Variants in CEP350 observed in about 807,000 individuals in gnomAD.
The protein encoded by CEP350 is centrosomal protein 350, also known as centrosome-associated protein 350.
In CEP350, 126 loss-of-function variants were observed where a neutral mutation model predicts 331.8. That is an observed-to-expected ratio of 0.38 (90% CI 0.33 to 0.44). The LOEUF is 0.44. CEP350 is among the 20% of genes least tolerant of loss of function. The probability of loss-of-function intolerance (pLI) is 1.00; values close to 1 mark genes in which losing one functional copy is unlikely to be tolerated. For synonymous variants in CEP350, 1,200 were observed against 1,259.5 expected (o/e 0.95, Z 1.00); for missense variants, 3,406 against 3,634.6 (o/e 0.94, Z 1.62).
In CEP350 at chr1:180,112,612, C is replaced by G. The variant is rs939358076; in HGVS notation, c.*1451C>G. ...CTAGAAGAATGTGGATACTCTTAGGCGTGAATGTAAATGCCTTAATATTGA... is the reference window on the plus strand; with the variant it reads ...CTAGAAGAATGTGGATACTCTTAGGGGTGAATGTAAATGCCTTAATATTGA... On this transcript the variant is annotated 3_prime_UTR_variant, in exon 38 of 38. Coordinates refer to ENST00000367607, the MANE Select transcript of CEP350 (RefSeq NM_014810.5). The G allele has an allele frequency of 6.6e-6, 1 of 152,588 alleles. No individual in the cohort carries two copies. The highest frequency in any genetic ancestry group is 1.5e-5 in the Non-Finnish European group (1 of 68,040). The allele number at this position is 152,588 out of a possible 1,614,324, so 9.5% of individuals were successfully genotyped here.
chr1:180,091,033 C>G (rs1448207625), intron 33 of CEP350, among the ~76,000 whole-genome samples: 4 of 150,650 alleles, frequency 2.7e-5, no homozygotes, highest in Admixed American at 2.0e-4. Flanking sequence ...GAGACAGGGT[C>G]TCACTCTGTC....
intron 1 of CEP350, among the ~76,000 whole-genome samples, chr1:179,983,954 A>AT (rs1372948262): frequency 3.3e-5 from 5 of 152,270 alleles, no homozygotes; most frequent in Admixed American, 6.5e-5. Context: ...TAAAGCATAG[A>AT]TTTTTTTCCT....
intron 25 of CEP350, among the ~76,000 whole-genome samples, chr1:180,060,200 C>A (rs1658106560): frequency 6.6e-6 from 1 of 152,220 alleles, no homozygotes; most frequent in Non-Finnish European, 1.5e-5. Context: ...AGTCCCCTAA[C>A]AGGGTCTCAA....
At chr1:179,988,601 T>C (rs1158094064) in intron 3 of CEP350, among the ~76,000 whole-genome samples, 1 of 152,178 alleles carries the variant, frequency 6.6e-6, no homozygotes, top group Non-Finnish European at 1.5e-5. Flanking sequence ...ATTTGTGTTC[T>C]GGCCAATCTT....
rs1558098621 is a variant in CEP350 at position 180,012,057 on chromosome 1, G to A, written c.1375G>A (p.Glu459Lys). 1.3e-6 allele frequency: 2 copies of A among 1,560,996 alleles called. No homozygotes were observed. Among genetic ancestry groups the A allele is most frequent in the Non-Finnish European group, 1.7e-6 (2 of 1,153,422 alleles). The change falls in exon 9 of 38, where the codon GAA becomes AAA. Residue 459 changes from glutamate to lysine, a missense_variant. Physicochemically the swap from Glu to Lys is moderately conservative, Grantham distance 56. Coordinates refer to ENST00000367607, the MANE Select transcript of CEP350 (RefSeq NM_014810.5). ...RTASSDRGGRERTAKSGGHIG... is the reference protein window; with the variant it reads ...RTASSDRGGRKRTAKSGGHIG... ...AGCATCAAGTGACAGAGGTGGAAGAGAAAGAACTGCTAAATCTGGTAAGTA... is the reference window on the plus strand; with the variant it reads ...AGCATCAAGTGACAGAGGTGGAAGAAAAAGAACTGCTAAATCTGGTAAGTA...
intron 19 of CEP350, among the ~76,000 whole-genome samples, chr1:180,042,085 A>G (rs1198018554): frequency 6.6e-6 from 1 of 151,944 alleles, no homozygotes; most frequent in African/African-American, 2.4e-5. Context: ...TAATTTATAA[A>G]CAATAAAATG....
In CEP350 at chr1:180,041,655, T is replaced by C. The variant is rs1349876338; in HGVS notation, c.4222-7T>C. The C allele has an allele frequency of 1.9e-6, 3 of 1,607,484 alleles. No homozygotes were observed. Among genetic ancestry groups the C allele is most frequent in the Admixed American group, 3.4e-5 (2 of 58,838 alleles). On this transcript the variant is annotated splice_region_variant and splice_polypyrimidine_tract_variant and intron_variant, in intron 18 of 37. Coordinates refer to ENST00000367607, the MANE Select transcript of CEP350 (RefSeq NM_014810.5). ...TAACTTCTTTTTTAAACCCCTTTTA[T>C]TTAAAGGTCCATGCAGAATCATTAC... is the stretch of plus-strand genomic sequence containing the variant.
chr1:180,081,164 G>A (rs1558146956), intron 30 of CEP350, among the ~76,000 whole-genome samples: 1 of 152,176 alleles, frequency 6.6e-6, no homozygotes, highest in East Asian at 1.9e-4. Flanking sequence ...CACTGCACCC[G>A]GCCCACTGTA....
In CEP350 at chr1:180,064,935, A is replaced by G. The variant is rs151105375; in HGVS notation, c.5410-180A>G. 3.3e-4 allele frequency among the ~76,000 whole-genome samples: 51 copies of G among 152,296 alleles called. No individual in the cohort carries two copies. The East Asian group carries it at 3.7e-3, about 11-fold the overall frequency. Reference sequence around the variant, plus strand: ...AAATGGTGGTAAAAATATACATAATATGAAATGTACTAGTTTAACCATTTT... The same window carrying G: ...AAATGGTGGTAAAAATATACATAATGTGAAATGTACTAGTTTAACCATTTT... On this transcript the variant is annotated intron_variant, in intron 26 of 37. Coordinates refer to ENST00000367607, the MANE Select transcript of CEP350 (RefSeq NM_014810.5).
intron 27 of CEP350, among the ~76,000 whole-genome samples, chr1:180,070,604 A>G (rs1458727767): frequency 6.6e-6 from 1 of 152,220 alleles, no homozygotes; most frequent in East Asian, 1.9e-4. Flanking sequence ...ACACACACAC[A>G]GCAGAATGGC....
At chr1:180,038,306 T>C (rs1237430522) in intron 17 of CEP350, among the ~76,000 whole-genome samples, 15 of 152,366 alleles carry the variant, frequency 9.8e-5, no homozygotes, top group African/African-American at 3.6e-4. Context: ...GATGTACATT[T>C]AGATTATTTC....
Position 180,020,953 on chromosome 1 carries a change from G to A in CEP350, c.3179G>A (p.Gly1060Glu). 1 of 1,597,672 alleles carries A rather than the reference G, an allele frequency of 6.3e-7. No homozygotes were observed. The highest frequency in any genetic ancestry group is 8.5e-7 in the Non-Finnish European group (1 of 1,175,678). Residue 1060 changes from glycine to glutamate, a missense_variant, in exon 12 of 38, where the codon GGA becomes GAA. By Grantham distance (98) the Gly-to-Glu change is moderately conservative (BLOSUM62 -2). Around this residue, in one of 5 missense-constraint regions of CEP350, gnomAD observed 1,857 missense variants for 1,909.2 expected, o/e 0.97. Coordinates refer to ENST00000367607, the MANE Select transcript of CEP350 (RefSeq NM_014810.5). ...GGACCATGGGAAGAATTGGCAAAGG[G>A]AAGTCCACATAGCGTCATTAATATT... ...SKGPWEELAK[G>E]SPHSVINIFT...
intron 12 of CEP350, among the ~76,000 whole-genome samples, chr1:180,021,918 T>C (rs1482060521): frequency 6.6e-6 from 1 of 152,200 alleles, no homozygotes; most frequent in Non-Finnish European, 1.5e-5. Flanking sequence ...TTCTTTTCTA[T>C]GATAGACTCA....
At chr1:180,099,033 ACT>A in intron 37 of CEP350, 48 bp downstream of exon 37, 2 of 1,568,492 alleles carry the variant, frequency 1.3e-6, no homozygotes, top group Non-Finnish European at 1.7e-6. Context: ...TATCTTTTAA[ACT>A]CAGAATGCAG....
At chr1:180,087,353 C>T (rs920767328) in intron 31 of CEP350, 8 of 306,458 alleles carry the variant, frequency 2.6e-5, no homozygotes, top group Admixed American at 4.7e-5. Context: ...TTAATTGATA[C>T]TGGAATTACA....
chr1:180,093,030 A>T lies in CEP350; in HGVS notation c.6925A>T (p.Asn2309Tyr), dbSNP rs1385029040. 6.2e-7 allele frequency: 1 copy of T among 1,605,560 alleles called. No homozygotes were observed. The highest frequency in any genetic ancestry group is 8.5e-7 in the Non-Finnish European group (1 of 1,175,382). Reference protein sequence around the residue: ...SKKDLPLDSENVQKDLVGLAI... With the variant: ...SKKDLPLDSEYVQKDLVGLAI... ...GAAAGATCTTCCTTTAGATTCTGAA[A>T]ATGTTCAGAAAGACCTAGTTGGATT... is the stretch of plus-strand genomic sequence containing the variant. The change falls in exon 34 of 38, where the codon AAT becomes TAT. Residue 2309 changes from asparagine (N) to tyrosine (Y), a missense_variant. Physicochemically the swap from Asn to Tyr is moderately radical, Grantham distance 143 (BLOSUM62 -2). Coordinates refer to ENST00000367607, the MANE Select transcript of CEP350 (RefSeq NM_014810.5).
At chr1:180,009,653 C>G (rs1571861176) in intron 8 of CEP350, among the ~76,000 whole-genome samples, 1 of 152,208 alleles carries the variant, frequency 6.6e-6, no homozygotes, top group Middle Eastern at 3.4e-3. Flanking sequence ...CCAGTGTATT[C>G]ATGGTTGCTT....
rs2148808690 is a variant in CEP350 at position 180,014,144 on chromosome 1, G to C, written c.1691G>C (p.Arg564Thr). Reference sequence around the variant, plus strand: ...TCATCAGCACCAGTACATGCTCCTAGGAGTCACAGCCCAGTAAAAAGAAAA... The same window carrying C: ...TCATCAGCACCAGTACATGCTCCTACGAGTCACAGCCCAGTAAAAAGAAAA... ...QKSSAPVHAP[R>T]SHSPVKRKPD... Residue 564 changes from arginine to threonine, a missense_variant, in exon 10 of 38, where the codon AGG (arginine) becomes ACG (threonine). Arg to Thr is a moderately conservative substitution (Grantham distance 71). Coordinates refer to ENST00000367607, the MANE Select transcript of CEP350 (RefSeq NM_014810.5). 1 of 1,609,254 alleles carries C rather than the reference G, an allele frequency of 6.2e-7. No individual in the cohort carries two copies. The highest frequency in any genetic ancestry group is 2.2e-5 in the East Asian group (1 of 44,818).
rs558328979 is a variant in CEP350, at chr1:180,105,905, T to A, written c.9190-5092T>A. ...CTATATTTGTGTCTTCAGGCATTAT[T>A]TGAGGTGAATAAAATGCAAATAATT... On this transcript the variant is annotated intron_variant, in intron 37 of 37. Coordinates refer to ENST00000367607, the MANE Select transcript of CEP350 (RefSeq NM_014810.5). Among the ~76,000 whole-genome samples, 6 of 152,346 alleles carry A rather than the reference T, an allele frequency of 3.9e-5. 1 individual carries two copies. The South Asian group carries it at 1.0e-3, about 26-fold the overall frequency.
Sources: allele counts gnomAD v4.1 joint callset (sites outside exome capture counted in the v4.1 genomes callset), GRCh38; gene constraint gnomAD v4.1.1; regional missense constraint gnomAD v4.1.1; transcripts MANE v1.5; gene names NCBI Gene and HGNC (gene_info 2026-07-23, HGNC 2026-07-21).